NDUFAF2: variants seen among roughly 807,000 people sequenced by gnomAD.
NDUFAF2 encodes NADH dehydrogenase [ubiquinone] 1 alpha subcomplex assembly factor 2.
A neutral mutation model predicts 22.8 loss-of-function variants in NDUFAF2; 13 were observed. The ratio of observed to expected loss-of-function variants is 0.57; its 90% CI spans 0.37 to 0.91. NDUFAF2 has a LOEUF of 0.91. Ranked by LOEUF, NDUFAF2 falls within the 40% of genes least tolerant of loss-of-function variation. NDUFAF2 has a pLI of 0.01. For missense variants in NDUFAF2, 162 were observed against 195.2 expected (o/e 0.83, Z 1.01); for synonymous variants, 53 against 64.2 (o/e 0.83, Z 0.84).
intron 1 of NDUFAF2, among the ~76,000 whole-genome samples, chr5:60,965,408 T>A (rs895945927): frequency 2.6e-5 from 4 of 152,186 alleles, no homozygotes; most frequent in Admixed American, 1.3e-4. Context: ...TTAGCAATTT[T>A]CAAGTATATA....
chr5:61,136,017 A>ATATATATATATATATATATATATATATC (rs1740928081), intron 3 of NDUFAF2, among the ~76,000 whole-genome samples: 1 of 29,592 alleles, frequency 3.4e-5, no homozygotes, highest in African/African-American at 7.4e-5. Flanking sequence ...ATATATATAT[A>ATATATATATATATATATATATATATATC]TATATATATA....
intron 2 of NDUFAF2, among the ~76,000 whole-genome samples, chr5:61,086,789 T>C (rs190950184): frequency 8.5e-5 from 13 of 152,270 alleles, no homozygotes; most frequent in Admixed American, 8.5e-4. Context: ...ACCAAAATTT[T>C]ACAGATTCTT....
At chr5:60,948,353 G>C (rs1750493541) in intron 1 of NDUFAF2, among the ~76,000 whole-genome samples, 1 of 152,036 alleles carries the variant, frequency 6.6e-6, no homozygotes, top group Non-Finnish European at 1.5e-5. Flanking sequence ...CCAAGTAACT[G>C]AGATGTGTGC....
At chr5:61,082,723 A>C (rs922248380) in intron 2 of NDUFAF2, among the ~76,000 whole-genome samples, 1 of 152,192 alleles carries the variant, frequency 6.6e-6, no homozygotes, top group Non-Finnish European at 1.5e-5. Flanking sequence ...ATGGCTGCAT[A>C]CTATTCCATG....
intron 1 of NDUFAF2, among the ~76,000 whole-genome samples, chr5:61,023,551 A>C (rs546818029): frequency 6.6e-6 from 1 of 152,220 alleles, no homozygotes; most frequent in East Asian, 1.9e-4. Flanking sequence ...TTGTGGGACT[A>C]TTTACATCTA....
At chr5:61,008,302 TA>T (rs916252927) in intron 1 of NDUFAF2, among the ~76,000 whole-genome samples, 14 of 151,176 alleles carry the variant, frequency 9.3e-5, no homozygotes, top group East Asian at 3.9e-4. Context: ...TAAAGTATAA[TA>T]AAAAAAAAGA....
chr5:61,057,643 C>CTAA (rs1752116011), intron 1 of NDUFAF2, among the ~76,000 whole-genome samples: 2 of 152,040 alleles, frequency 1.3e-5, no homozygotes, highest in African/African-American at 4.8e-5. Flanking sequence ...CCTCCCTTAA[C>CTAA]CAGAGAGGCT....
chr5:60,998,262 C>CA (rs1233393283), intron 1 of NDUFAF2, among the ~76,000 whole-genome samples: 3 of 151,488 alleles, frequency 2.0e-5, no homozygotes, highest in African/African-American at 4.8e-5. Context: ...ACTGAAGAAA[C>CA]AAAAAAAATT....
intron 1 of NDUFAF2, among the ~76,000 whole-genome samples, chr5:60,970,368 A>G (rs529469484): frequency 2.6e-5 from 4 of 152,124 alleles, no homozygotes; most frequent in Non-Finnish European, 5.9e-5. Context: ...ATGGAATATC[A>G]TTCTATTTTT....
At chr5:60,965,905 T>C (rs1227820523) in intron 1 of NDUFAF2, among the ~76,000 whole-genome samples, 1 of 152,188 alleles carries the variant, frequency 6.6e-6, no homozygotes, top group Non-Finnish European at 1.5e-5. Flanking sequence ...TGCTAGATCA[T>C]ATGGTAGTTC....
chr5:61,075,349 C>A (rs1752354188), intron 2 of NDUFAF2, among the ~76,000 whole-genome samples: 2 of 151,462 alleles, frequency 1.3e-5, no homozygotes, highest in Admixed American at 1.3e-4. Flanking sequence ...AAAAAAAAAA[C>A]CATAAAAATA....
At chr5:60,994,241 G>T (rs988070058) in intron 1 of NDUFAF2, among the ~76,000 whole-genome samples, 1 of 152,256 alleles carries the variant, frequency 6.6e-6, no homozygotes, top group Admixed American at 6.5e-5. Context: ...TTCTGAGCCT[G>T]TTGGGGCAGG....
At chr5:61,091,342 T>C (rs1208216083) in intron 2 of NDUFAF2, among the ~76,000 whole-genome samples, 4 of 152,134 alleles carry the variant, frequency 2.6e-5, no homozygotes, top group East Asian at 1.9e-4. Flanking sequence ...ACCTTGCTAG[T>C]GTCTGTTATT....
At chr5:61,107,090 C>CACACACACACACACACAT (rs918380662) in intron 3 of NDUFAF2, among the ~76,000 whole-genome samples, 52 of 146,154 alleles carry the variant, frequency 3.6e-4, no homozygotes, top group African/African-American at 1.3e-3. Context: ...CACACACACA[C>CACACACACACACACACAT]ATATATGCCT....
chr5:61,024,214 G>C (rs1751622936), intron 1 of NDUFAF2, among the ~76,000 whole-genome samples: 1 of 151,726 alleles, frequency 6.6e-6, no homozygotes, highest in Non-Finnish European at 1.5e-5. Flanking sequence ...TAAGGATATT[G>C]GTTGATTCTC....
intron 3 of NDUFAF2, among the ~76,000 whole-genome samples, chr5:61,106,007 G>C (rs1752758504): frequency 6.6e-6 from 1 of 151,466 alleles, no homozygotes; most frequent in Non-Finnish European, 1.5e-5. Context: ...AACTCTGAAA[G>C]TGGAGTTTAA....
At chr5:61,140,492 C>T (rs1050477440) in intron 3 of NDUFAF2, among the ~76,000 whole-genome samples, 5 of 152,096 alleles carry the variant, frequency 3.3e-5, no homozygotes, top group African/African-American at 1.2e-4. Flanking sequence ...ATTTAGCAAA[C>T]AAAAATACAG....
chr5:60,994,441 G>A (rs546426722), intron 1 of NDUFAF2, among the ~76,000 whole-genome samples: 3 of 152,208 alleles, frequency 2.0e-5, no homozygotes, highest in Non-Finnish European at 4.4e-5. Context: ...CCACCAACGT[G>A]GAAAGAGCAG....
At chr5:60,970,254 T>A (rs1750809945) in intron 1 of NDUFAF2, among the ~76,000 whole-genome samples, 1 of 152,224 alleles carries the variant, frequency 6.6e-6, no homozygotes, top group Non-Finnish European at 1.5e-5. Flanking sequence ...TTCTGATTTC[T>A]GTGAAGAATG....
Sources: gnomAD v4.1 joint callset for allele counts (sites outside exome capture counted in the v4.1 genomes callset) on GRCh38, gnomAD v4.1.1 for gene constraint, MANE v1.5 for transcripts, NCBI Gene and HGNC (gene_info 2026-07-23, HGNC 2026-07-21) for gene names.